MYO5A: variants seen among roughly 807,000 people sequenced by gnomAD.
MYO5A encodes myosin VA.
MYO5A carries 98 observed loss-of-function variants against 249.7 expected under a neutral mutation model. The ratio of observed to expected loss-of-function variants is 0.39; its 90% CI spans 0.33 to 0.46. The LOEUF (loss-of-function observed/expected upper bound fraction) is 0.46, where lower values mean the gene tolerates loss of function less well. MYO5A is among the 20% of genes least tolerant of loss of function. The pLI is 0.98. For synonymous variants in MYO5A, 778 were observed against 810.6 expected, an observed-to-expected ratio of 0.96 and a Z score of 0.68; for missense variants, 1,696 against 2,308.8, an observed-to-expected ratio of 0.73 and a Z score of 5.44.
intron 3 of MYO5A, 149 bp from the exon 4 acceptor site, chr15:52,426,123 A>C: frequency 4.0e-6 from 3 of 748,246 alleles, no homozygotes; most frequent in Non-Finnish European, 2.2e-6. Flanking sequence ...AAGGATCAAA[A>C]TGTATCATAG....
intron 1 of MYO5A, among the ~76,000 whole-genome samples, chr15:52,506,449 C>G (rs1414164057): frequency 6.6e-6 from 1 of 151,788 alleles, no homozygotes; most frequent in Non-Finnish European, 1.5e-5. Context: ...ATCACTTGAA[C>G]CTGGGAAGTG....
At chr15:52,325,126 T>C (rs2140941823) in intron 36 of MYO5A, among the ~76,000 whole-genome samples, 1 of 152,322 alleles carries the variant, frequency 6.6e-6, no homozygotes, top group East Asian at 1.9e-4. Context: ...GTGGATGCTC[T>C]GGGCTAAGCT....
At chr15:52,505,665 G>C in intron 1 of MYO5A, 4 of 1,238,214 alleles carry the variant, frequency 3.2e-6, no homozygotes, top group Non-Finnish European at 4.8e-6. Flanking sequence ...CGAAATTAGA[G>C]GGCGTCAGAA....
At chr15:52,322,568 G>A (rs2038381905) in intron 37 of MYO5A, among the ~76,000 whole-genome samples, 1 of 152,300 alleles carries the variant, frequency 6.6e-6, no homozygotes, top group African/African-American at 2.4e-5. Flanking sequence ...GATGCTGTAA[G>A]AATTAATGAT....
chr15:52,433,120 C>G (rs2075578109), intron 2 of MYO5A, 55 bp downstream of exon 2: 1 of 1,296,668 alleles, frequency 7.7e-7, no homozygotes, highest in Admixed American at 1.7e-5. Flanking sequence ...TAAATTTACA[C>G]TTTTGAACTC....
chr15:52,341,170 C>T (rs1258491824), intron 31 of MYO5A, among the ~76,000 whole-genome samples: 1 of 152,120 alleles, frequency 6.6e-6, no homozygotes, highest in African/African-American at 2.4e-5. Context: ...TTACTAATTC[C>T]AGGCAGAGGG....
At chr15:52,386,110 A>T (rs1391198433) in intron 14 of MYO5A, among the ~76,000 whole-genome samples, 1 of 152,170 alleles carries the variant, frequency 6.6e-6, no homozygotes, top group Non-Finnish European at 1.5e-5. Context: ...TGAGACCAGG[A>T]GTTCAAGACC....
At chr15:52,365,830 T>C (rs1207577678) in intron 23 of MYO5A, among the ~76,000 whole-genome samples, 1 of 152,260 alleles carries the variant, frequency 6.6e-6, no homozygotes, top group East Asian at 1.9e-4. Flanking sequence ...TGTCATTTCT[T>C]TGTTCTTACA....
At chr15:52,456,105 T>A (rs968859128) in intron 1 of MYO5A, among the ~76,000 whole-genome samples, 2 of 152,054 alleles carry the variant, frequency 1.3e-5, no homozygotes, top group African/African-American at 4.8e-5. Context: ...GATAAACGAA[T>A]CTAGTAAAAT....
chr15:52,369,461 A>G (rs1342758047), intron 22 of MYO5A, among the ~76,000 whole-genome samples: 1 of 152,216 alleles, frequency 6.6e-6, no homozygotes, highest in African/African-American at 2.4e-5. Context: ...TCTATACTTA[A>G]TAAAGTTTTG....
At chr15:52,335,313 C>T (rs547717096) in intron 34 of MYO5A, among the ~76,000 whole-genome samples, 4 of 152,058 alleles carry the variant, frequency 2.6e-5, no homozygotes, top group South Asian at 2.1e-4. Context: ...CTCAGGAGTT[C>T]GAGATCAGCC....
chr15:52,407,962 C>T, intron 7 of MYO5A, 97 bp downstream of exon 7: 1 of 845,460 alleles, frequency 1.2e-6, no homozygotes, highest in Non-Finnish European at 2.0e-6. Flanking sequence ...ATAAGTATTC[C>T]AACATGAGAT....
Position 52,504,835 on chromosome 15 carries a change from G to A in MYO5A, c.27+23945C>T, listed in dbSNP as rs192066001. On this transcript the variant is annotated intron_variant, in intron 1 of 41. Transcript: ENST00000399233. ...ACCCAGCAGGCAGAGGTTGCAGGGAGCTGAGATCGCACCACTGCACTCCAG... is the reference window on the plus strand; with the variant it reads ...ACCCAGCAGGCAGAGGTTGCAGGGAACTGAGATCGCACCACTGCACTCCAG... 2.2e-3 allele frequency among the ~76,000 whole-genome samples: 337 copies of A among 151,676 alleles called. 3 individuals are homozygous for A. Among genetic ancestry groups the A allele is most frequent in the African/African-American group, 8.0e-3 (330 of 41,338 alleles).
intron 22 of MYO5A, among the ~76,000 whole-genome samples, chr15:52,368,623 G>A (rs189718826): frequency 6.6e-6 from 1 of 152,076 alleles, no homozygotes; most frequent in Admixed American, 6.6e-5. Context: ...GAACTAATGG[G>A]GCCAGGCGCA....
chr15:52,326,630 T>C (rs1387268477), intron 36 of MYO5A, among the ~76,000 whole-genome samples: 3 of 152,184 alleles, frequency 2.0e-5, no homozygotes, highest in Non-Finnish European at 4.4e-5. Context: ...AGATGGATGA[T>C]GGTGATGGCT....
At chr15:52,409,271 T>A (rs544118402) in intron 6 of MYO5A, among the ~76,000 whole-genome samples, 3 of 152,178 alleles carry the variant, frequency 2.0e-5, no homozygotes, top group Admixed American at 1.3e-4. Context: ...CCTCTACTAT[T>A]TGAACTCTAA....
At chr15:52,367,870 AACACACACAC>A (rs3985806) in intron 22 of MYO5A, among the ~76,000 whole-genome samples, 274 of 141,884 alleles carry the variant, frequency 1.9e-3, no homozygotes, top group East Asian at 5.7e-3. Context: ...TATATTTTAA[AACACACACAC>A]ACACACACAC....
chr15:52,388,040 C>A (rs568301693), intron 13 of MYO5A, 128 bp from the exon 14 acceptor site: 228 of 723,282 alleles, frequency 3.2e-4, no homozygotes, highest in Non-Finnish European at 4.8e-4. Context: ...TATTATCAGT[C>A]TTTTCCAAGA....
intron 1 of MYO5A, among the ~76,000 whole-genome samples, chr15:52,446,692 G>A (rs554859878): frequency 6.6e-6 from 1 of 152,300 alleles, no homozygotes; most frequent in East Asian, 1.9e-4. Context: ...CAGCCCTAGG[G>A]GCTGAACCCT....
Sources: allele counts gnomAD v4.1 joint callset (sites outside exome capture counted in the v4.1 genomes callset), GRCh38; gene constraint gnomAD v4.1.1; transcripts MANE v1.5; gene names NCBI Gene and HGNC (gene_info 2026-07-23, HGNC 2026-07-21).